OSBPL3: variants seen among roughly 807,000 people sequenced by gnomAD.
The protein encoded by OSBPL3 is oxysterol-binding protein-related protein 3.
In OSBPL3, 65 loss-of-function variants were observed where a neutral mutation model predicts 120.1. That is an observed-to-expected ratio of 0.54 (90% CI 0.44 to 0.67). The LOEUF (loss-of-function observed/expected upper bound fraction) is 0.67. OSBPL3 is among the 30% of genes least tolerant of loss of function. The probability of loss-of-function intolerance (pLI) is 0.00; values close to 1 mark genes in which losing one functional copy is unlikely to be tolerated. For missense variants in OSBPL3, 1,004 were observed against 1,082.1 expected, an observed-to-expected ratio of 0.93 and a Z score of 1.01; for synonymous variants, 416 against 402.6, an observed-to-expected ratio of 1.03 and a Z score of -0.40.
rs965766178 is a variant in OSBPL3, at chr7:24,959,598, G to C, written c.-150+20288C>G. On this transcript the variant is annotated intron_variant, in intron 1 of 22. Coordinates refer to ENST00000313367, the MANE Select transcript of OSBPL3 (RefSeq NM_015550.4). The surrounding 1 kb of genome is among the most constrained non-coding windows in gnomAD (Gnocchi z 4.3). ...TAATCACCTGTTTCTTGTTCTGGAC[G>C]CTGGTTACACAGGTTATTTATCTTC... Among the ~76,000 whole-genome samples the C allele has an allele frequency of 1.3e-5, 2 of 152,180 alleles. No homozygotes were observed. The highest frequency in any genetic ancestry group is 1.9e-4 in the East Asian group (1 of 5,206).
Position 24,815,090 on chromosome 7 carries a change from T to A in OSBPL3, c.2141A>T (p.Asp714Val). 1 of 1,613,776 alleles carries A rather than the reference T, an allele frequency of 6.2e-7. No homozygotes were observed. The highest frequency in any genetic ancestry group is 8.5e-7 in the Non-Finnish European group (1 of 1,179,642). ...GEIVIKNLHD[D>V]SCYCKVNFIK... ...AAAATTCACTTTGCAGTAGCAGGAA[T>A]CATCATGCAGGTTCTTGATGACAAT... The change falls in exon 19 of 23, where the codon GAT becomes GTT. Residue 714 changes from aspartate to valine, a missense_variant. Transcript: ENST00000313367. This position sits in a 1 kb window ranked among gnomAD's most constrained non-coding sequence, Gnocchi z 5.1.
At position 24,923,547 on chromosome 7, in the gene OSBPL3, A is replaced by C. The variant is rs1314743025; in HGVS notation, c.-149-30926T>G. ...ACCATGAGCTGGGCAAGCAGGGATG[A>C]GTATGGGACGGCAGGGCAGAGAGAG... On this transcript the variant is annotated intron_variant, in intron 1 of 22. Transcript: ENST00000313367. Among the ~76,000 whole-genome samples, 4 of 152,266 alleles carry C rather than the reference A, an allele frequency of 2.6e-5. No homozygotes were observed. In the East Asian group the frequency reaches 7.7e-4, roughly 29 times the overall value.
At chr7:24,886,651 G>A (rs1479817440) in intron 2 of OSBPL3, among the ~76,000 whole-genome samples, 2 of 152,190 alleles carry the variant, frequency 1.3e-5, no homozygotes, top group Non-Finnish European at 2.9e-5. Flanking sequence ...AGAAATAAAA[G>A]GATGTATAAA....
At chr7:24,962,721 G>T (rs767401031) in intron 1 of OSBPL3, among the ~76,000 whole-genome samples, 1 of 152,316 alleles carries the variant, frequency 6.6e-6, no homozygotes, top group East Asian at 1.9e-4. Context: ...CAAGAAACAG[G>T]TCTTTAATGG....
chr7:24,955,668 C>T lies in OSBPL3; in HGVS notation c.-150+24218G>A, dbSNP rs1319581832. On this transcript the variant is annotated intron_variant, in intron 1 of 22. Coordinates refer to ENST00000313367, the MANE Select transcript of OSBPL3 (RefSeq NM_015550.4). The surrounding 1 kb of genome is among the most constrained non-coding windows in gnomAD (Gnocchi z 4.3). Reference sequence around the variant, plus strand: ...CCTGTCCCCTATACACTCTAACCTACTTATCCCTGCTTTAATGTTCTCCAC... The same window carrying T: ...CCTGTCCCCTATACACTCTAACCTATTTATCCCTGCTTTAATGTTCTCCAC... 2.0e-5 allele frequency among the ~76,000 whole-genome samples: 3 copies of T among 152,236 alleles called. No homozygotes were observed. The highest frequency in any genetic ancestry group is 4.4e-5 in the Non-Finnish European group (3 of 68,044).
At chr7:24,810,196 T>C (rs545155556) in intron 19 of OSBPL3, 2 of 439,302 alleles carry the variant, frequency 4.6e-6, no homozygotes, top group Admixed American at 3.7e-5. Flanking sequence ...GATTAACATA[T>C]GTATTACCTT....
At chr7:24,958,804 T>C (rs192199937) in intron 1 of OSBPL3, among the ~76,000 whole-genome samples, 2 of 152,224 alleles carry the variant, frequency 1.3e-5, no homozygotes, top group Admixed American at 1.3e-4. Context: ...TCCAAACCAA[T>C]ATTGTAAATC....
Position 24,834,721 on chromosome 7 carries a change from C to A in OSBPL3, c.1511G>T (p.Ser504Ile). 1 of 1,610,370 alleles carries A rather than the reference C, an allele frequency of 6.2e-7. No individual in the cohort carries two copies. Among genetic ancestry groups the A allele is most frequent in the Non-Finnish European group, 8.5e-7 (1 of 1,178,424 alleles). ...ERQTLGPVLD[S>I]GREAKSRRRT... ...TCTCCGGGACTTCGCTTCCCGACCA[C>A]TATCAAGGACAGGCCCTGAAAGGGA... Residue 504 changes from serine (S) to isoleucine (I), a missense_variant, in exon 15 of 23, where the codon AGT becomes ATT. By Grantham distance (142) the Ser-to-Ile change is moderately radical (BLOSUM62 -2). Around this residue, in one of 4 missense-constraint regions of OSBPL3, gnomAD observed 473 missense variants for 568.0 expected, o/e 0.83. Transcript: ENST00000313367. The surrounding 1 kb of genome is among the most constrained non-coding windows in gnomAD (Gnocchi z 5.2).
In OSBPL3 at chr7:24,804,602, A is replaced by G. The variant is rs1225534501; in HGVS notation, c.2445-165T>C. ...CCGTATCTTGAAGTAGTCAGAGAAG[A>G]TATTTTTTTGAATTGGTGATATTTA... On this transcript the variant is annotated intron_variant, in intron 21 of 22. Coordinates refer to ENST00000313367, the MANE Select transcript of OSBPL3 (RefSeq NM_015550.4). This position sits in a 1 kb window ranked among gnomAD's most constrained non-coding sequence, Gnocchi z 5.4. Among the ~76,000 whole-genome samples, 2 of 152,220 alleles carry G rather than the reference A, an allele frequency of 1.3e-5. No individual in the cohort carries two copies. Among genetic ancestry groups the G allele is most frequent in the Non-Finnish European group, 2.9e-5 (2 of 68,044 alleles).
At chr7:24,908,185 G>C (rs546947506) in intron 1 of OSBPL3, among the ~76,000 whole-genome samples, 2 of 152,050 alleles carry the variant, frequency 1.3e-5, no homozygotes, top group East Asian at 3.9e-4. Context: ...TCATTTCCTG[G>C]TTCCTGCCAC....
intron 1 of OSBPL3, among the ~76,000 whole-genome samples, chr7:24,924,112 A>G (rs79637716): frequency 0.016 from 2,489 of 152,320 alleles, 73 homozygotes; most frequent in East Asian, 0.063. Flanking sequence ...AATGCCCAAC[A>G]GTAGAAGAAA....
At chr7:24,948,959 A>G (rs2128494125) in intron 1 of OSBPL3, among the ~76,000 whole-genome samples, 2 of 152,332 alleles carry the variant, frequency 1.3e-5, no homozygotes, top group Middle Eastern at 6.8e-3. Context: ...GGCTTTTATG[A>G]TGTTAATGAC....
rs201765122 is a variant in OSBPL3 at position 24,866,073 on chromosome 7, C to T, written c.546G>A (p.Arg182=). 1.0e-4 allele frequency: 169 copies of T among 1,612,802 alleles called. No homozygotes were observed. The highest frequency in any genetic ancestry group is 1.4e-4 in the Non-Finnish European group (166 of 1,178,868). Reference sequence around the variant, plus strand: ...TTATTGGCAAAACACTCATTACCTTCCTACTTGAAATGGAGTCAAACACCC... The same window carrying T: ...TTATTGGCAAAACACTCATTACCTTTCTACTTGAAATGGAGTCAAACACCC... The part of the protein sequence containing the change: ...SSGVFDSISS[R]KRSSISKQNL... The change falls in exon 6 of 23, where the codon AGG becomes AGA. Residue 182 remains arginine, a synonymous_variant. Transcript: ENST00000313367.
In OSBPL3 at chr7:24,852,675, T is replaced by A. The variant is rs574921947; in HGVS notation, c.1028-41A>T. ...CATTATAAAAAGGAATAAGGAGGCA[T>A]AATTAAAAACAAAATACAGAAAAAA... is the stretch of plus-strand genomic sequence containing the variant. On this transcript the variant is annotated intron_variant, in intron 10 of 22. Coordinates refer to ENST00000313367, the MANE Select transcript of OSBPL3 (RefSeq NM_015550.4). This position sits in a 1 kb window ranked among gnomAD's most constrained non-coding sequence, Gnocchi z 4.1. 75 of 1,371,996 alleles carry A rather than the reference T, an allele frequency of 5.5e-5. 2 individuals carry two copies. In the Middle Eastern group the frequency reaches 3.2e-3, roughly 59 times the overall value. The allele number at this position is 1,371,996 out of a possible 1,614,324, so 85.0% of individuals were successfully genotyped here. A position where few individuals can be genotyped will look rare whatever the true frequency, so the allele number is the denominator to read the frequency against.
chr7:24,926,903 C>T (rs10239961), intron 1 of OSBPL3, among the ~76,000 whole-genome samples: 37,764 of 152,102 alleles, frequency 0.25, 5,221 homozygotes, highest in East Asian at 0.47. Flanking sequence ...ATAATTGCAT[C>T]CATGTAAATA....
intron 1 of OSBPL3, among the ~76,000 whole-genome samples, chr7:24,907,346 G>A (rs746824553): frequency 6.6e-5 from 10 of 152,198 alleles, no homozygotes; most frequent in Non-Finnish European, 1.3e-4. Context: ...ACTGGTTTTG[G>A]ACTCTGGATC....
At chr7:24,839,682 C>T (rs1047572430) in intron 14 of OSBPL3, among the ~76,000 whole-genome samples, 1 of 152,066 alleles carries the variant, frequency 6.6e-6, no homozygotes, top group African/African-American at 2.4e-5. Context: ...TGAGAGAGAA[C>T]ATTAGAGTGC....
intron 2 of OSBPL3, among the ~76,000 whole-genome samples, chr7:24,886,154 A>C (rs1804502338): frequency 6.6e-6 from 1 of 152,248 alleles, no homozygotes; most frequent in Non-Finnish European, 1.5e-5. Flanking sequence ...ATGCTAGTCT[A>C]GATGCTTCTT....
chr7:24,819,020 C>T lies in OSBPL3; in HGVS notation c.1948+1155G>A, dbSNP rs1462328098. Among the ~76,000 whole-genome samples the T allele has an allele frequency of 4.6e-5, 7 of 151,876 alleles. No homozygotes were observed. The highest frequency in any genetic ancestry group is 7.3e-5 in the African/African-American group (3 of 41,298). On this transcript the variant is annotated intron_variant, in intron 17 of 22. Transcript: ENST00000313367. This position sits in a 1 kb window ranked among gnomAD's most constrained non-coding sequence, Gnocchi z 4.1. ...CTGTAATCCCAGCATTTTGGGAGGC[C>T]GAGGCAGGCGGATCACAAGGTCAAG...
Sources: allele counts gnomAD v4.1 joint callset (sites outside exome capture counted in the v4.1 genomes callset), GRCh38; gene constraint gnomAD v4.1.1; regional missense constraint gnomAD v4.1.1; non-coding constraint Gnocchi (gnomAD v3.1); transcripts MANE v1.5; gene names NCBI Gene and HGNC (gene_info 2026-07-23, HGNC 2026-07-21).